Variants in SPTB observed in about 807,000 individuals in gnomAD.
SPTB encodes the protein spectrin beta, erythrocytic.
A neutral mutation model predicts 256.2 loss-of-function variants in SPTB; 45 were observed. The observed-to-expected ratio is 0.18, with a 90% CI of 0.14 to 0.23. SPTB has a LOEUF of 0.23. Ranked by LOEUF, SPTB falls within the 10% of genes least tolerant of loss-of-function variation. The pLI is 1.00. For synonymous variants in SPTB, 1,231 were observed against 1,243.1 expected, an observed-to-expected ratio of 0.99 and a Z score of 0.21; for missense variants, 2,715 against 3,040.4, an observed-to-expected ratio of 0.89 and a Z score of 2.52.
rs542821548 is a variant in SPTB, at chr14:64,815,008, C to T, written c.148+7939G>A. On this transcript the variant is annotated intron_variant, in intron 2 of 35. Transcript: ENST00000644917. ...TCACAGCCCCTCAGGTGGCAACTGG[C>T]AAGGTGTGTATGTGTGTGTGTGCAT... Among the ~76,000 whole-genome samples the T allele has an allele frequency of 5.8e-5, 8 of 136,860 alleles. No individual in the cohort carries two copies. In the East Asian group the frequency reaches 1.5e-3, roughly 25 times the overall value. 89.8% of individuals were successfully genotyped at this position (136,860 alleles called of 152,430 possible).
At position 64,803,785 on chromosome 14, in the gene SPTB, G is replaced by A. The variant is rs750131697; in HGVS notation, c.301-5C>T. On this transcript the variant is annotated splice_region_variant and splice_polypyrimidine_tract_variant and intron_variant, in intron 3 of 35. Transcript: ENST00000644917. ...CTTCCCCTTGGTGGGCTTTGGCTGG[G>A]GGACAGCAGTGGCCCCCGTGGGCAT... 2.5e-6 allele frequency: 4 copies of A among 1,605,610 alleles called. No individual in the cohort carries two copies. The highest frequency in any genetic ancestry group is 2.2e-5 in the South Asian group (2 of 90,132).
chr14:64,752,219 A>G, intron 33 of SPTB: 1 of 1,348,766 alleles, frequency 7.4e-7, no homozygotes, highest in Non-Finnish European at 9.8e-7. Context: ...ACACGTGGGA[A>G]GCATGTTGCT....
intron 1 of SPTB, among the ~76,000 whole-genome samples, chr14:64,831,134 C>A (rs1167811614): frequency 6.6e-6 from 1 of 152,076 alleles, no homozygotes; most frequent in Admixed American, 6.5e-5. Context: ...CCAACTCCCC[C>A]TCCTCAGTCT....
chr14:64,801,181 C>A, intron 7 of SPTB, 104 bp downstream of exon 7: 1 of 976,610 alleles, frequency 1.0e-6, no homozygotes, highest in Non-Finnish European at 1.6e-6. Context: ...GCTTGCCCAG[C>A]ACCTGGGCCG....
Position 64,792,925 on chromosome 14 carries a change from T to C in SPTB, c.2666+72A>G. 1 of 1,607,906 alleles carries C rather than the reference T, an allele frequency of 6.2e-7. No homozygotes were observed. Among genetic ancestry groups the C allele is most frequent in the Non-Finnish European group, 8.5e-7 (1 of 1,176,192 alleles). On this transcript the variant is annotated intron_variant, in intron 14 of 35. Transcript: ENST00000644917. The surrounding 1 kb of genome is among the most constrained non-coding windows in gnomAD (Gnocchi z 4.2). ...AGACCTTTGCTGATCCAGAGACTAT[T>C]ACCAAACTAGGTGGGAGATGGTGCC...
At chr14:64,869,232 C>G (rs1882371367) in intron 1 of SPTB, among the ~76,000 whole-genome samples, 1 of 152,146 alleles carries the variant, frequency 6.6e-6, no homozygotes, top group Admixed American at 6.5e-5. Context: ...TGAAAACTCT[C>G]AGCATAGTGC....
At position 64,853,541 on chromosome 14, in the gene SPTB, G is replaced by A. The variant is rs1009044089; in HGVS notation, c.-52+26251C>T. On this transcript the variant is annotated intron_variant, in intron 1 of 35. Transcript: ENST00000644917. The surrounding 1 kb of genome is among the most constrained non-coding windows in gnomAD (Gnocchi z 4.3). ...GGAGAACAGTTTCAGTAGGGCACGG[G>A]GACAAGAACCCATGGCAGCAGGGAG... Among the ~76,000 whole-genome samples, 20 of 152,184 alleles carry A rather than the reference G, an allele frequency of 1.3e-4. No homozygotes were observed. Among genetic ancestry groups the A allele is most frequent in the African/African-American group, 4.8e-4 (20 of 41,436 alleles).
At position 64,747,250 on chromosome 14, in the gene SPTB, G is replaced by GAAAC. The variant is rs2081861124; in HGVS notation, c.*2052_*2055dup. On this transcript the variant is annotated 3_prime_UTR_variant, in exon 36 of 36. Coordinates refer to ENST00000644917, the MANE Select transcript of SPTB (RefSeq NM_001355436.2). ...TAGGCTCCCTAAAGACTGGCCCAGGGAAACAGTTGAGGGAGATGTTTGCCA... is the reference window on the plus strand; with the variant it reads ...TAGGCTCCCTAAAGACTGGCCCAGGGAAACAAACAGTTGAGGGAGATGTTTGCCA... 6.6e-6 allele frequency: 1 copy of GAAAC among 152,514 alleles called. No individual in the cohort carries two copies. The highest frequency in any genetic ancestry group is 2.1e-4 in the South Asian group (1 of 4,834). The allele number at this position is 152,514 out of a possible 1,614,324, so 9.4% of individuals were successfully genotyped here. A position where few individuals can be genotyped will look rare whatever the true frequency, so the allele number is the denominator to read the frequency against.
intron 1 of SPTB, among the ~76,000 whole-genome samples, chr14:64,834,948 A>G (rs2083501154): frequency 1.3e-5 from 2 of 152,238 alleles, no homozygotes; most frequent in Admixed American, 1.3e-4. Flanking sequence ...TTGCCTCACA[A>G]ACAAAAAGAG....
At chr14:64,753,502 A>G (rs201270587) in intron 33 of SPTB, 35 bp downstream of exon 33, 36 of 1,612,388 alleles carry the variant, frequency 2.2e-5, no homozygotes, top group Non-Finnish European at 2.9e-5. Flanking sequence ...GAGCTGCCCA[A>G]CCTACCCTCA....
intron 15 of SPTB, among the ~76,000 whole-genome samples, chr14:64,788,132 A>T (rs17245565): frequency 0.081 from 12,341 of 152,204 alleles, 747 homozygotes; most frequent in East Asian, 0.22. Context: ...GGCAGAGAGG[A>T]GGATTAAGGC....
chr14:64,857,213 C>T (rs1275064618), intron 1 of SPTB, among the ~76,000 whole-genome samples: 1 of 152,050 alleles, frequency 6.6e-6, no homozygotes, highest in Non-Finnish European at 1.5e-5. Flanking sequence ...GATTAGAAAG[C>T]CTTTGGTGCA....
At chr14:64,868,196 C>G (rs571776505) in intron 1 of SPTB, among the ~76,000 whole-genome samples, 1 of 152,146 alleles carries the variant, frequency 6.6e-6, no homozygotes, top group East Asian at 1.9e-4. Context: ...AAGGTAGAGA[C>G]TGAAGGCCTA....
Position 64,853,707 on chromosome 14 carries a change from A to T in SPTB, c.-52+26085T>A, listed in dbSNP as rs1566803936. On this transcript the variant is annotated intron_variant, in intron 1 of 35. Coordinates refer to ENST00000644917, the MANE Select transcript of SPTB (RefSeq NM_001355436.2). The surrounding 1 kb of genome is among the most constrained non-coding windows in gnomAD (Gnocchi z 4.3). Reference sequence around the variant, plus strand: ...TATTCAATGGGAAAGACCTGAACTTATCTATAGGCAAGAGTGAAACAGCAA... The same window carrying T: ...TATTCAATGGGAAAGACCTGAACTTTTCTATAGGCAAGAGTGAAACAGCAA... Among the ~76,000 whole-genome samples the T allele has an allele frequency of 6.6e-6, 1 of 152,192 alleles. No homozygotes were observed. Among genetic ancestry groups the T allele is most frequent in the Non-Finnish European group, 1.5e-5 (1 of 68,032 alleles).
intron 20 of SPTB, 25 bp downstream of exon 20, chr14:64,782,265 C>G: frequency 6.2e-7 from 1 of 1,614,156 alleles, no homozygotes; most frequent in South Asian, 1.1e-5. Context: ...TCCTAACACT[C>G]TGAGTCTACA....
At position 64,793,058 on chromosome 14, in the gene SPTB, TCTC is replaced by T. The variant is rs2082702177; in HGVS notation, c.2602_2604del (p.Glu868del). The T allele has an allele frequency of 1.2e-6, 2 of 1,614,002 alleles. No homozygotes were observed. Among genetic ancestry groups the T allele is most frequent in the South Asian group, 1.1e-5 (1 of 91,082 alleles). On this transcript the variant is annotated inframe_deletion, in exon 14 of 36. Transcript: ENST00000644917. This position sits in a 1 kb window ranked among gnomAD's most constrained non-coding sequence, Gnocchi z 7.0. ...GGCATTTCCATCTCGGCCAGCCACTTCTCCTTCTCTCCCATCCACAGCTCACAG... is the reference window on the plus strand; with the variant it reads ...GGCATTTCCATCTCGGCCAGCCACTTCTTCTCTCCCATCCACAGCTCACAG...
At chr14:64,834,825 G>A (rs562655953) in intron 1 of SPTB, among the ~76,000 whole-genome samples, 132 of 152,294 alleles carry the variant, frequency 8.7e-4, no homozygotes, top group African/African-American at 3.1e-3. Context: ...AGCTTCACAT[G>A]CAGAACTCTT....
chr14:64,865,451 G>A lies in SPTB; in HGVS notation c.-52+14341C>T, dbSNP rs74056080. On this transcript the variant is annotated intron_variant, in intron 1 of 35. Transcript: ENST00000644917. ...ATATTTAGAAGTATTGAACCCTTGG[G>A]ATCAACTCCGCATCCCTCCCCCACC... Among the ~76,000 whole-genome samples the A allele has an allele frequency of 1.5e-3, 226 of 152,138 alleles. 1 individual carries two copies. The highest frequency in any genetic ancestry group is 5.1e-3 in the African/African-American group (210 of 41,508).
At position 64,772,315 on chromosome 14, in the gene SPTB, A is replaced by C. The variant is rs2082289011; in HGVS notation, c.5553+265T>G. ...CTAGAAAAGTGCTGTGCGTGTGTCC[A>C]CTAATAGTACTGCACAACTGGAGAA... On this transcript the variant is annotated intron_variant, in intron 26 of 35. Transcript: ENST00000644917. The surrounding 1 kb of genome is among the most constrained non-coding windows in gnomAD (Gnocchi z 5.4). 6.6e-6 allele frequency among the ~76,000 whole-genome samples: 1 copy of C among 152,226 alleles called. No homozygotes were observed. Among genetic ancestry groups the C allele is most frequent in the Admixed American group, 6.5e-5 (1 of 15,282 alleles).
Sources: gnomAD v4.1 joint callset for allele counts (sites outside exome capture counted in the v4.1 genomes callset) on GRCh38, gnomAD v4.1.1 for gene constraint, Gnocchi (gnomAD v3.1) non-coding constraint, MANE v1.5 for transcripts, NCBI Gene and HGNC (gene_info 2026-07-23, HGNC 2026-07-21) for gene names.